The following TXNDC8 variants were observed in gnomAD, a reference collection of about 807,000 sequenced individuals.
TXNDC8 encodes thioredoxin domain-containing protein 8.
In TXNDC8, 15 loss-of-function variants were observed where a neutral mutation model predicts 12.9. That is an observed-to-expected ratio of 1.16 (90% CI 0.78 to 1.79). The LOEUF (loss-of-function observed/expected upper bound fraction) is 1.79. TXNDC8 is among the 40% of genes most tolerant of loss of function. TXNDC8 has a pLI of 0.00. For synonymous variants in TXNDC8, 40 were observed against 35.4 expected (o/e 1.13, Z -0.46); for missense variants, 128 against 113.2 (o/e 1.13, Z -0.59).
At chr9:110,320,043 A>G (rs1454467784) in intron 3 of TXNDC8, among the ~76,000 whole-genome samples, 1 of 152,230 alleles carries the variant, frequency 6.6e-6, no homozygotes, top group Non-Finnish European at 1.5e-5. Context: ...CTCTCTTATG[A>G]GTGAACCTAA....
chr9:110,311,875 G>A (rs1421277461), intron 3 of TXNDC8, among the ~76,000 whole-genome samples: 2 of 133,676 alleles, frequency 1.5e-5, no homozygotes, highest in South Asian at 2.4e-4. Context: ...TATATATATG[G>A]ATATAGTAAA....
intron 4 of TXNDC8, chr9:110,303,834 C>T: frequency 2.7e-6 from 2 of 753,158 alleles, no homozygotes; most frequent in Non-Finnish European, 4.2e-6. Flanking sequence ...TACCTTTAAT[C>T]TAAGATCTAA....
In TXNDC8 at chr9:110,303,486, A is replaced by G. The variant is rs1404445968; in HGVS notation, c.*196T>C. 2.6e-6 allele frequency: 4 copies of G among 1,515,118 alleles called. No individual in the cohort carries two copies. The highest frequency in any genetic ancestry group is 1.7e-4 in the Middle Eastern group (1 of 5,808). The allele number at this position is 1,515,118 out of a possible 1,614,324, so 93.9% of individuals were successfully genotyped here. A position where few individuals can be genotyped will look rare whatever the true frequency, so the allele number is the denominator to read the frequency against. ...CAAACACATTTGCTCTTGCCTTTTC[A>G]AATGTCACAAGTGTATTTTGCCTTG... On this transcript the variant is annotated 3_prime_UTR_variant, in exon 5 of 5. Transcript: ENST00000423740.
intron 2 of TXNDC8, 76 bp from the exon 3 acceptor site, chr9:110,329,367 TA>T (rs1356242492): frequency 8.5e-7 from 1 of 1,181,562 alleles, no homozygotes; most frequent in African/African-American, 1.6e-5. Context: ...GTCTTTTCAG[TA>T]GAAAAGAAAA....
chr9:110,331,511 A>C (rs1410813379), intron 2 of TXNDC8, among the ~76,000 whole-genome samples: 1 of 152,134 alleles, frequency 6.6e-6, no homozygotes, highest in African/African-American at 2.4e-5. Context: ...TGAGCATTTA[A>C]TTCCTTGTAT....
chr9:110,304,337 G>A, intron 4 of TXNDC8, 130 bp downstream of exon 5: 1 of 774,102 alleles, frequency 1.3e-6, no homozygotes, highest in Non-Finnish European at 2.0e-6. Flanking sequence ...GTGCTGCAGG[G>A]AGAAACCATC....
chr9:110,302,239 G>A (rs181920128), downstream of TXNDC8, among the ~76,000 whole-genome samples: 4 of 150,408 alleles, frequency 2.7e-5, no homozygotes, highest in Admixed American at 6.6e-5. Flanking sequence ...GGGCTCAAGT[G>A]ATCCTCCCAC....
At chr9:110,333,765 A>T (rs1422342658) in intron 2 of TXNDC8, among the ~76,000 whole-genome samples, 1 of 152,236 alleles carries the variant, frequency 6.6e-6, no homozygotes, top group African/African-American at 2.4e-5. Context: ...ATATCAATAA[A>T]GCTGTAGGAA....
chr9:110,305,314 C>T (rs992007635), intron 3 of TXNDC8, among the ~76,000 whole-genome samples: 2 of 152,172 alleles, frequency 1.3e-5, no homozygotes, highest in East Asian at 3.8e-4. Flanking sequence ...AGTGTCACTA[C>T]AGTCATTTTT....
At chr9:110,305,105 G>GCC (rs1159692774) in intron 3 of TXNDC8, among the ~76,000 whole-genome samples, 1 of 125,770 alleles carries the variant, frequency 8.0e-6, no homozygotes, top group East Asian at 2.8e-4. Context: ...CCACGATCAA[G>GCC]CCACTGCATT....
At chr9:110,302,285 G>A (rs1173152577), downstream of TXNDC8, among the ~76,000 whole-genome samples, 1 of 152,062 alleles carries the variant, frequency 6.6e-6, no homozygotes, top group South Asian at 2.1e-4. Context: ...ACAGATGCAA[G>A]CCACCATGCC....
chr9:110,316,380 G>A (rs749226206), intron 3 of TXNDC8, among the ~76,000 whole-genome samples: 15 of 152,026 alleles, frequency 9.9e-5, no homozygotes, highest in Admixed American at 1.3e-4. Flanking sequence ...ATTAATTACT[G>A]TTTGATCCTA....
chr9:110,310,491 G>A (rs907927381), intron 3 of TXNDC8, among the ~76,000 whole-genome samples: 2 of 152,098 alleles, frequency 1.3e-5, no homozygotes, highest in Non-Finnish European at 2.9e-5. Flanking sequence ...TCTACAAGAT[G>A]TACTTCTACC....
intron 3 of TXNDC8, among the ~76,000 whole-genome samples, chr9:110,310,109 T>C (rs1838608154): frequency 6.6e-6 from 1 of 152,138 alleles, no homozygotes. Context: ...GGAAGTAATA[T>C]GGTCTTTGTG....
rs972748896 is a variant in TXNDC8, at chr9:110,323,755, A to T, written c.195+2420T>A. 8 of 1,292,694 alleles carry T rather than the reference A, an allele frequency of 6.2e-6. No homozygotes were observed. The African/African-American group carries it at 9.0e-5, about 14-fold the overall frequency. The allele number at this position is 1,292,694 out of a possible 1,614,324, so 80.1% of individuals were successfully genotyped here. ...CAATGCCATTAGTACTCTTGGCTTG[A>T]CTCTGTTTTCTTCTGTGTGGTAGAT... On this transcript the variant is annotated intron_variant, in intron 3 of 4. Transcript: ENST00000423740.
chr9:110,305,575 TTTC>T (rs1838414134), intron 3 of TXNDC8, among the ~76,000 whole-genome samples: 3 of 140,562 alleles, frequency 2.1e-5, no homozygotes, highest in Non-Finnish European at 4.5e-5. Context: ...TCTTTCTTTC[TTTC>T]TTTCTTTCTT....
intron 1 of TXNDC8, among the ~76,000 whole-genome samples, chr9:110,337,085 A>G (rs1839785361): frequency 1.3e-5 from 2 of 152,188 alleles, no homozygotes; most frequent in Non-Finnish European, 2.9e-5. Flanking sequence ...TGTGATCTGT[A>G]TAGCCACCTT....
At chr9:110,303,330 A>G (rs927015761), downstream of TXNDC8, among the ~76,000 whole-genome samples, 2 of 152,246 alleles carry the variant, frequency 1.3e-5, no homozygotes, top group African/African-American at 4.8e-5. Context: ...TGGAGAATGG[A>G]AATGATGCAA....
chr9:110,334,513 G>A (rs998465633), intron 1 of TXNDC8, among the ~76,000 whole-genome samples, 193 bp from the exon 2 acceptor site: 4 of 152,038 alleles, frequency 2.6e-5, no homozygotes, highest in South Asian at 2.1e-4. Context: ...CAAAGTGCTG[G>A]GATTACAGGT....
Sources: allele counts gnomAD v4.1 joint callset (sites outside exome capture counted in the v4.1 genomes callset), GRCh38; gene constraint gnomAD v4.1.1; transcripts MANE v1.5; gene names NCBI Gene and HGNC (gene_info 2026-07-23, HGNC 2026-07-21).